Variants in NDUFS1 observed in about 807,000 individuals in gnomAD.
NDUFS1 encodes the protein NADH-ubiquinone oxidoreductase 75 kDa subunit, mitochondrial.
In NDUFS1, 61 loss-of-function variants were observed where a neutral mutation model predicts 84.4. That is an observed-to-expected ratio of 0.72 (90% CI 0.59 to 0.89). The LOEUF (loss-of-function observed/expected upper bound fraction) is 0.89. Among genes scored for constraint, NDUFS1 ranks in the 40% least tolerant of loss-of-function variants. NDUFS1 has a pLI of 0.00. For synonymous variants in NDUFS1, 275 were observed against 290.0 expected (o/e 0.95, Z 0.53); for missense variants, 891 against 890.0 (o/e 1.00, Z -0.01).
Position 206,153,702 on chromosome 2 carries a change from T to C in NDUFS1, c.-4-20A>G, listed in dbSNP as rs1692463287. ...ATATTGCTAAAAATAAAACAAAGAA[T>C]TATATTATTGTAGGGAAAAAAACAA... On this transcript the variant is annotated intron_variant, in intron 1 of 18. Coordinates refer to ENST00000233190, the MANE Select transcript of NDUFS1 (RefSeq NM_005006.7). 1.5e-6 allele frequency: 2 copies of C among 1,316,682 alleles called. No homozygotes were observed. The highest frequency in any genetic ancestry group is 2.5e-5 in the South Asian group (2 of 80,030). 81.6% of individuals were successfully genotyped at this position (1,316,682 alleles called of 1,614,324 possible). A position where few individuals can be genotyped will look rare whatever the true frequency, so the allele number is the denominator to read the frequency against.
chr2:206,153,300 A>G (rs1046991434), intron 2 of NDUFS1, among the ~76,000 whole-genome samples: 3 of 150,270 alleles, frequency 2.0e-5, no homozygotes, highest in Non-Finnish European at 4.4e-5. Context: ...GGTTTAAGCT[A>G]TTCTTGTGCC....
chr2:206,133,828 A>C (rs960120068), intron 13 of NDUFS1, among the ~76,000 whole-genome samples: 1 of 152,138 alleles, frequency 6.6e-6, no homozygotes, highest in African/African-American at 2.4e-5. Flanking sequence ...AAATACAAAA[A>C]AATTAACCAG....
At chr2:206,126,493 C>T (rs1413299512) in intron 18 of NDUFS1, 46 bp downstream of exon 18, 2 of 1,548,098 alleles carry the variant, frequency 1.3e-6, no homozygotes, top group South Asian at 1.1e-5. Context: ...GATCTGATTA[C>T]TTCTTACCTT....
rs952398004 is a variant in NDUFS1, at chr2:206,119,233, G to A, written c.*4952C>T. On this transcript the variant is annotated 3_prime_UTR_variant, in exon 19 of 19. Transcript: ENST00000233190. The stretch of plus-strand genomic sequence containing the variant: ...GGCATTTAGTATATGTCAGGAAACA[G>A]GCCTAAGGTTTTTACAAGCTTTCTG... 4.6e-5 allele frequency: 7 copies of A among 152,062 alleles called. No homozygotes were observed. The highest frequency in any genetic ancestry group is 3.3e-4 in the Admixed American group (5 of 15,248). The allele number at this position is 152,062 out of a possible 1,614,324, so 9.4% of individuals were successfully genotyped here.
chr2:206,134,422 C>T (rs1165070146), intron 13 of NDUFS1, among the ~76,000 whole-genome samples: 1 of 151,994 alleles, frequency 6.6e-6, no homozygotes, highest in Non-Finnish European at 1.5e-5. Flanking sequence ...TGACTTGAGC[C>T]CACAGGTTCA....
Position 206,121,818 on chromosome 2 carries a change from C to G in NDUFS1, c.*2367G>C, listed in dbSNP as rs1231748257. Reference sequence around the variant, plus strand: ...GCTGCCTAGCAGGTAGCCCAAGGATCCTGGATCAACTTAGCTATATAGCAT... The same window carrying G: ...GCTGCCTAGCAGGTAGCCCAAGGATGCTGGATCAACTTAGCTATATAGCAT... On this transcript the variant is annotated 3_prime_UTR_variant, in exon 19 of 19. Coordinates refer to ENST00000233190, the MANE Select transcript of NDUFS1 (RefSeq NM_005006.7). 1 of 152,084 alleles carries G rather than the reference C, an allele frequency of 6.6e-6. No homozygotes were observed. Among genetic ancestry groups the G allele is most frequent in the Non-Finnish European group, 1.5e-5 (1 of 68,044 alleles). 9.4% of individuals were successfully genotyped at this position (152,084 alleles called of 1,614,324 possible). A position where few individuals can be genotyped will look rare whatever the true frequency, so the allele number is the denominator to read the frequency against.
Position 206,152,461 on chromosome 2 carries a change from A to G in NDUFS1, c.111T>C (p.Asp37=). The change falls in exon 3 of 19, where the codon GAT becomes GAC. Residue 37 remains aspartate (D), a synonymous_variant. Transcript: ENST00000233190. The stretch of plus-strand genomic sequence containing the variant: ...CCGGTTCCACCATGACAGACTGACC[A>G]TCAACAAATACTTCAATCAAGTTGC... The part of the protein sequence containing the change: ...AASNLIEVFV[D]GQSVMVEPGT... The G allele has an allele frequency of 1.2e-6, 2 of 1,614,190 alleles. No individual in the cohort carries two copies. The highest frequency in any genetic ancestry group is 1.7e-6 in the Non-Finnish European group (2 of 1,180,018).
chr2:206,138,451 T>A (rs770972889), intron 13 of NDUFS1, 34 bp downstream of exon 13: 20 of 1,597,144 alleles, frequency 1.3e-5, no homozygotes, highest in Non-Finnish European at 1.7e-5. Context: ...TAATTAAAAA[T>A]CAACAAGAGT....
chr2:206,152,193 G>GA (rs1287110274), intron 3 of NDUFS1, among the ~76,000 whole-genome samples: 1 of 152,028 alleles, frequency 6.6e-6, no homozygotes, highest in African/African-American at 2.4e-5. Context: ...CATTTGGAAT[G>GA]AAAAGTGAAA....
rs1690937229 is a variant in NDUFS1, at chr2:206,116,178, G to C, written c.*8007C>G. ...CTCATAAGTTCATCTAGTTATGAAGGGTTACTCAGTGTCATCTTGATCAGC... is the reference window on the plus strand; with the variant it reads ...CTCATAAGTTCATCTAGTTATGAAGCGTTACTCAGTGTCATCTTGATCAGC... On this transcript the variant is annotated 3_prime_UTR_variant, in exon 19 of 19. Coordinates refer to ENST00000233190, the MANE Select transcript of NDUFS1 (RefSeq NM_005006.7). 9 of 1,535,372 alleles carry C rather than the reference G, an allele frequency of 5.9e-6. No individual in the cohort carries two copies. In the Admixed American group the frequency reaches 8.3e-5, roughly 14 times the overall value.
In NDUFS1 at chr2:206,116,627, TG is replaced by T; in HGVS notation, c.*7557del. On this transcript the variant is annotated 3_prime_UTR_variant, in exon 19 of 19. Transcript: ENST00000233190. ...TGGGCCTGGTGTGTTGGCTCACATG[TG>T]TAATTCCAGAACTTTGGGAGGTCAA... 2.1e-6 allele frequency: 1 copy of T among 466,410 alleles called. No individual in the cohort carries two copies. Among genetic ancestry groups the T allele is most frequent in the Non-Finnish European group, 3.9e-6 (1 of 254,102 alleles). The allele number at this position is 466,410 out of a possible 1,614,324, so 28.9% of individuals were successfully genotyped here. A position where few individuals can be genotyped will look rare whatever the true frequency, so the allele number is the denominator to read the frequency against.
At chr2:206,128,696 G>A (rs943652756) in intron 15 of NDUFS1, among the ~76,000 whole-genome samples, 5 of 151,428 alleles carry the variant, frequency 3.3e-5, no homozygotes, top group African/African-American at 4.8e-5. Context: ...CATGAGAATC[G>A]TTTGAACCCG....
chr2:206,129,956 AAAG>A (rs1691440778), intron 15 of NDUFS1, 129 bp downstream of exon 15: 1 of 966,352 alleles, frequency 1.0e-6, no homozygotes, highest in African/African-American at 1.6e-5. Flanking sequence ...GTTTAAAAAA[AAAG>A]GAGGAGGAGT....
At chr2:206,149,469 C>G (rs1692285773) in intron 4 of NDUFS1, among the ~76,000 whole-genome samples, 1 of 152,164 alleles carries the variant, frequency 6.6e-6, no homozygotes, top group African/African-American at 2.4e-5. Flanking sequence ...TTCCCTGCAA[C>G]CCTTTTCTCT....
At chr2:206,146,859 T>C (rs1559059427) in intron 8 of NDUFS1, 44 bp downstream of exon 8, 2 of 1,559,488 alleles carry the variant, frequency 1.3e-6, no homozygotes, top group Non-Finnish European at 1.8e-6. Flanking sequence ...TGAATAGTAA[T>C]GAATTAAGGA....
chr2:206,124,515 C>T (rs1026411328), intron 18 of NDUFS1, among the ~76,000 whole-genome samples: 1 of 152,030 alleles, frequency 6.6e-6, no homozygotes, highest in African/African-American at 2.4e-5. Context: ...CACCAGTATG[C>T]AGCCATTAAA....
chr2:206,128,505 T>C (rs10190970), intron 15 of NDUFS1, among the ~76,000 whole-genome samples: 78,286 of 149,894 alleles, frequency 0.52, 21,995 homozygotes, highest in African/African-American at 0.73. Context: ...GGGCCAGGTG[T>C]GGTGGCTCAT....
In NDUFS1 at chr2:206,116,676, A is replaced by C; in HGVS notation, c.*7509T>G. Reference sequence around the variant, plus strand: ...CAAGGTGGGAGGAGCGCCTGGGCCCAGGGGTTCAAGACGAGCCTGGGCAAC... The same window carrying C: ...CAAGGTGGGAGGAGCGCCTGGGCCCCGGGGTTCAAGACGAGCCTGGGCAAC... On this transcript the variant is annotated 3_prime_UTR_variant, in exon 19 of 19. Coordinates refer to ENST00000233190, the MANE Select transcript of NDUFS1 (RefSeq NM_005006.7). The C allele has an allele frequency of 2.5e-6, 1 of 396,366 alleles. No individual in the cohort carries two copies. The highest frequency in any genetic ancestry group is 2.1e-5 in the African/African-American group (1 of 48,540). The allele number at this position is 396,366 out of a possible 1,614,324, so 24.6% of individuals were successfully genotyped here.
Position 206,116,009 on chromosome 2 carries a change from A to C in NDUFS1, c.*8176T>G. ...ACAGTAGTTTTTTTTTCCCATGGGT[A>C]ATGCTAAAAGTTGCTATTCTAAGTC... is the stretch of plus-strand genomic sequence containing the variant. On this transcript the variant is annotated 3_prime_UTR_variant, in exon 19 of 19. Coordinates refer to ENST00000233190, the MANE Select transcript of NDUFS1 (RefSeq NM_005006.7). 5.3e-6 allele frequency: 4 copies of C among 754,754 alleles called. No individual in the cohort carries two copies. In the South Asian group the frequency reaches 5.6e-5, roughly 11 times the overall value. The allele number at this position is 754,754 out of a possible 1,614,324, so 46.8% of individuals were successfully genotyped here. A position where few individuals can be genotyped will look rare whatever the true frequency, so the allele number is the denominator to read the frequency against.
Sources: gnomAD v4.1 joint callset for allele counts (sites outside exome capture counted in the v4.1 genomes callset) on GRCh38, gnomAD v4.1.1 for gene constraint, MANE v1.5 for transcripts, NCBI Gene and HGNC (gene_info 2026-07-23, HGNC 2026-07-21) for gene names.